Variants in SBF2 observed in about 807,000 individuals in gnomAD.
SBF2 encodes the protein SET binding factor 2.
SBF2 carries 112 observed loss-of-function variants against 225.2 expected under a neutral mutation model. That is an observed-to-expected ratio of 0.50 (90% CI 0.43 to 0.58). The LOEUF is 0.58. SBF2 is among the 20% of genes least tolerant of loss of function. The pLI, the probability that SBF2 is intolerant of heterozygous loss-of-function variation, is 0.00. For missense variants in SBF2, 1,996 were observed against 2,206.2 expected, an observed-to-expected ratio of 0.90 and a Z score of 1.91; for synonymous variants, 763 against 773.3, an observed-to-expected ratio of 0.99 and a Z score of 0.22.
intron 16 of SBF2, among the ~76,000 whole-genome samples, chr11:9,944,406 A>C: frequency 6.6e-6 from 1 of 152,232 alleles, no homozygotes; most frequent in East Asian, 1.9e-4. Flanking sequence ...TTCATTTCAC[A>C]GGTCATACAA....
intron 13 of SBF2, among the ~76,000 whole-genome samples, chr11:9,974,629 T>C (rs950968900): frequency 2.0e-5 from 2 of 100,970 alleles, no homozygotes; most frequent in Non-Finnish European, 4.1e-5. Context: ...TTGGAAAGGC[T>C]AAAACAAGAC....
intron 3 of SBF2, among the ~76,000 whole-genome samples, chr11:10,036,373 G>T (rs1949440172): frequency 6.6e-6 from 1 of 151,880 alleles, no homozygotes; most frequent in Admixed American, 6.6e-5. Flanking sequence ...TAACAAAACT[G>T]CATGTTCTGC....
chr11:9,891,770 C>G (rs1860840663), intron 17 of SBF2, among the ~76,000 whole-genome samples: 2 of 152,200 alleles, frequency 1.3e-5, no homozygotes, highest in African/African-American at 2.4e-5. Context: ...TGTAGGCTTA[C>G]AATCCAGGGG....
chr11:10,224,988 T>G (rs1958481863), intron 1 of SBF2, among the ~76,000 whole-genome samples: 1 of 152,166 alleles, frequency 6.6e-6, no homozygotes, highest in African/African-American at 2.4e-5. Flanking sequence ...TAAACTCAAA[T>G]TTTCACACAT....
chr11:10,006,457 T>G (rs1948194058), intron 6 of SBF2, among the ~76,000 whole-genome samples: 1 of 152,172 alleles, frequency 6.6e-6, no homozygotes, highest in Admixed American at 6.6e-5. Context: ...TTCCGGTGGC[T>G]TTTGAAGTAG....
chr11:10,196,708 G>A (rs1434651672), intron 1 of SBF2, among the ~76,000 whole-genome samples: 1 of 151,416 alleles, frequency 6.6e-6, no homozygotes, highest in Non-Finnish European at 1.5e-5. Flanking sequence ...AATTATAAAA[G>A]TAATGTTAAG....
chr11:10,046,007 T>C (rs1365952101), intron 2 of SBF2, among the ~76,000 whole-genome samples: 2 of 152,096 alleles, frequency 1.3e-5, no homozygotes, highest in African/African-American at 2.4e-5. Flanking sequence ...AAATAGCATA[T>C]ATAAAAATCC....
At chr11:9,902,448 C>T (rs1861794463) in intron 16 of SBF2, among the ~76,000 whole-genome samples, 1 of 152,202 alleles carries the variant, frequency 6.6e-6, no homozygotes, top group Admixed American at 6.5e-5. Flanking sequence ...CAAGGTACAC[C>T]TTCCATGTAT....
At chr11:10,128,008 A>C (rs1298645713) in intron 2 of SBF2, among the ~76,000 whole-genome samples, 1 of 152,210 alleles carries the variant, frequency 6.6e-6, no homozygotes, top group Non-Finnish European at 1.5e-5. Flanking sequence ...TAAAATAATG[A>C]ATGTTAAAAG....
At chr11:9,849,084 T>C (rs1856746198) in intron 22 of SBF2, among the ~76,000 whole-genome samples, 1 of 152,224 alleles carries the variant, frequency 6.6e-6, no homozygotes, top group Non-Finnish European at 1.5e-5. Context: ...TCACAATCAC[T>C]TGTGGGGCTA....
intron 16 of SBF2, among the ~76,000 whole-genome samples, chr11:9,955,811 C>T (rs1470650592): frequency 6.6e-6 from 1 of 152,022 alleles, no homozygotes; most frequent in African/African-American, 2.4e-5. Context: ...TTTACTGCCC[C>T]TCCTCTGTGT....
At chr11:10,273,641 T>C (rs1342845594) in intron 1 of SBF2, among the ~76,000 whole-genome samples, 1 of 152,234 alleles carries the variant, frequency 6.6e-6, no homozygotes, top group Non-Finnish European at 1.5e-5. Context: ...CTTCCCACAC[T>C]GCTGTATGTG....
chr11:9,855,593 A>G (rs1438271967), intron 19 of SBF2, among the ~76,000 whole-genome samples: 2 of 152,254 alleles, frequency 1.3e-5, no homozygotes, highest in South Asian at 2.1e-4. Flanking sequence ...GTTCAACCAA[A>G]TATTTATTGA....
chr11:9,897,878 C>T (rs1005412892), intron 16 of SBF2, among the ~76,000 whole-genome samples: 3 of 152,116 alleles, frequency 2.0e-5, no homozygotes, highest in Admixed American at 6.6e-5. Context: ...GTGTTTTTTC[C>T]TCTAGACACT....
intron 2 of SBF2, among the ~76,000 whole-genome samples, chr11:10,151,379 T>C (rs1434476096): frequency 2.6e-5 from 4 of 152,220 alleles, no homozygotes; most frequent in Non-Finnish European, 5.9e-5. Flanking sequence ...CCCCATGTTG[T>C]TGAAAGTCAA....
At chr11:10,164,530 C>A (rs892934649) in intron 2 of SBF2, among the ~76,000 whole-genome samples, 5 of 152,158 alleles carry the variant, frequency 3.3e-5, no homozygotes, top group Non-Finnish European at 7.4e-5. Context: ...AATCAAGTGA[C>A]CTTTTAACAC....
intron 16 of SBF2, among the ~76,000 whole-genome samples, chr11:9,919,320 C>T (rs948881114): frequency 6.8e-6 from 1 of 147,556 alleles, no homozygotes; most frequent in Non-Finnish European, 1.5e-5. Context: ...GGCTGGAGTG[C>T]AATGGCACCA....
At chr11:10,226,075 T>C (rs1306962892) in intron 1 of SBF2, among the ~76,000 whole-genome samples, 3 of 152,184 alleles carry the variant, frequency 2.0e-5, no homozygotes, top group African/African-American at 7.2e-5. Context: ...CTATGTGTCA[T>C]TTGGATATTT....
At chr11:9,877,625 C>T (rs1859372565) in intron 17 of SBF2, among the ~76,000 whole-genome samples, 1 of 152,142 alleles carries the variant, frequency 6.6e-6, no homozygotes, top group African/African-American at 2.4e-5. Flanking sequence ...CAATCCTCAC[C>T]TATGAGTGAG....
Sources: gnomAD v4.1 joint callset for allele counts (sites outside exome capture counted in the v4.1 genomes callset) on GRCh38, gnomAD v4.1.1 for gene constraint, MANE v1.5 for transcripts, NCBI Gene and HGNC (gene_info 2026-07-23, HGNC 2026-07-21) for gene names.